The following KLF17 variants were observed in gnomAD, a reference collection of about 807,000 sequenced individuals.
KLF17 encodes the protein Krueppel-like factor 17.
A neutral mutation model predicts 34.2 loss-of-function variants in KLF17; 31 were observed. The observed-to-expected ratio is 0.91, with a 90% confidence interval of 0.68 to 1.22. The LOEUF is 1.22. Ranked by LOEUF, KLF17 falls within the 50% of genes most tolerant of loss-of-function variation. KLF17 has a pLI of 0.00. For synonymous variants in KLF17, 179 were observed against 186.7 expected, an observed-to-expected ratio of 0.96 and a Z score of 0.34; for missense variants, 478 against 505.2, an observed-to-expected ratio of 0.95 and a Z score of 0.52.
At chr1:44,071,845 T>C in the KLF17 span, among the ~76,000 whole-genome samples, 1 of 152,054 alleles carries the variant, frequency 6.6e-6, no homozygotes, top group Non-Finnish European at 1.5e-5. Flanking sequence ...CACCTCAGCA[T>C]AGCTCTCCAC....
At chr1:44,059,433 G>A in the KLF17 span, among the ~76,000 whole-genome samples, 33 of 152,160 alleles carry the variant, frequency 2.2e-4, no homozygotes, top group Non-Finnish European at 2.6e-4. Flanking sequence ...TAACCCTATC[G>A]TAAATATTTC....
chr1:44,052,645 T>G, the KLF17 span, among the ~76,000 whole-genome samples: 4 of 152,196 alleles, frequency 2.6e-5, no homozygotes, highest in African/African-American at 7.2e-5. Context: ...TATTTACACC[T>G]TCTTTGTACA....
At chr1:44,085,807 CAAAAAAAAAAAAAAA>C in the KLF17 span, among the ~76,000 whole-genome samples, 2 of 63,620 alleles carry the variant, frequency 3.1e-5, no homozygotes, top group Admixed American at 4.9e-4. Context: ...TCTGTCTCAA[CAAAAAAAAAAAAAAA>C]AAAAAAAAAA....
intron 1 of KLF17, among the ~76,000 whole-genome samples, chr1:44,127,692 TTTTCTTTC>T (rs71036666): frequency 1.2e-4 from 11 of 90,136 alleles, no homozygotes; most frequent in South Asian, 4.5e-4. Flanking sequence ...CTTTCTTTCT[TTTTCTTTC>T]TTTCTTTCTT....
chr1:44,124,581 G>GC (rs1361950680), intron 1 of KLF17, among the ~76,000 whole-genome samples: 1 of 146,424 alleles, frequency 6.8e-6, no homozygotes, highest in African/African-American at 2.6e-5. Context: ...TGCAGGCTCC[G>GC]CCCCCGGGGT....
chr1:44,080,520 G>A, the KLF17 span, among the ~76,000 whole-genome samples: 20 of 152,218 alleles, frequency 1.3e-4, no homozygotes, highest in South Asian at 4.2e-4. Context: ...TTACAGGCGT[G>A]AGCCACAGCA....
At chr1:44,058,973 G>A in the KLF17 span, among the ~76,000 whole-genome samples, 1 of 152,026 alleles carries the variant, frequency 6.6e-6, no homozygotes, top group Admixed American at 6.6e-5. Context: ...GTAAAAACTT[G>A]GAAAGAAGAA....
At chr1:44,065,403 TG>T in the KLF17 span, among the ~76,000 whole-genome samples, 3 of 148,168 alleles carry the variant, frequency 2.0e-5, no homozygotes, top group African/African-American at 7.6e-5. Flanking sequence ...AAATAATCCT[TG>T]GTTTTTTTTT....
the KLF17 span, chr1:44,106,911 A>G: frequency 9.8e-5 from 15 of 152,390 alleles, no homozygotes; most frequent in African/African-American, 3.6e-4. Context: ...CTGCTGTTTC[A>G]TTCAGTCCAT....
At chr1:44,119,313 C>T (rs569640056) in intron 1 of KLF17, among the ~76,000 whole-genome samples, 2 of 149,426 alleles carry the variant, frequency 1.3e-5, no homozygotes, top group East Asian at 4.0e-4. Context: ...GGCCGCGTGG[C>T]GGGTAAGAGG....
chr1:44,095,529 T>A, the KLF17 span, among the ~76,000 whole-genome samples: 1 of 152,218 alleles, frequency 6.6e-6, no homozygotes, highest in African/African-American at 2.4e-5. Context: ...ATATCTTTTT[T>A]TTAATCCCTC....
At chr1:44,049,827 A>G in the KLF17 span, among the ~76,000 whole-genome samples, 1 of 152,242 alleles carries the variant, frequency 6.6e-6, no homozygotes, top group Admixed American at 6.5e-5. Flanking sequence ...GCTGTTATGT[A>G]TAGTAGCATG....
the KLF17 span, chr1:44,088,538 G>A: frequency 6.6e-6 from 1 of 152,320 alleles, no homozygotes; most frequent in Non-Finnish European, 1.5e-5. Context: ...CACTCCCACT[G>A]CCCTGCAGCC....
At chr1:44,105,075 T>TCTA in the KLF17 span, 1 of 152,310 alleles carries the variant, frequency 6.6e-6, no homozygotes, top group Non-Finnish European at 1.5e-5. Flanking sequence ...GGGAGACCTG[T>TCTA]CTACTGTCTG....
chr1:44,054,619 T>C, the KLF17 span, among the ~76,000 whole-genome samples: 1 of 151,446 alleles, frequency 6.6e-6, no homozygotes, highest in Non-Finnish European at 1.5e-5. Flanking sequence ...TAGCTGGGAC[T>C]ACAGGCGCTC....
At chr1:44,051,175 G>A in the KLF17 span, 1 of 152,564 alleles carries the variant, frequency 6.6e-6, no homozygotes, top group East Asian at 1.9e-4. Context: ...GACAGTTATT[G>A]TTAAGATGAC....
chr1:44,071,129 G>C, the KLF17 span, among the ~76,000 whole-genome samples: 1 of 152,076 alleles, frequency 6.6e-6, no homozygotes. Flanking sequence ...AAATCCAATG[G>C]GCGTGTTTCA....
the KLF17 span, among the ~76,000 whole-genome samples, chr1:44,057,257 C>G: frequency 6.6e-6 from 1 of 152,138 alleles, no homozygotes; most frequent in Non-Finnish European, 1.5e-5. Context: ...TGGGAAAAGA[C>G]TTAACAGTCA....
the KLF17 span, among the ~76,000 whole-genome samples, chr1:44,062,564 A>T: frequency 2.4e-4 from 7 of 29,336 alleles, no homozygotes; most frequent in East Asian, 3.2e-3. Flanking sequence ...TTAATTAATT[A>T]AAAAAAAAAA....
Sources: gnomAD v4.1 joint callset for allele counts (sites outside exome capture counted in the v4.1 genomes callset) on GRCh38, gnomAD v4.1.1 for gene constraint, MANE v1.5 for transcripts, NCBI Gene and HGNC (gene_info 2026-07-23, HGNC 2026-07-21) for gene names.